Variants in INO80 observed in about 807,000 individuals in gnomAD.
INO80 encodes the protein INO80 complex ATPase subunit.
INO80 carries 20 observed loss-of-function variants against 203.4 expected under a neutral mutation model. The observed-to-expected ratio is 0.10, with a 90% CI of 0.07 to 0.14. INO80 has a LOEUF of 0.14. Among genes scored for constraint, INO80 ranks in the 10% least tolerant of loss-of-function variants. The pLI, the probability that INO80 is intolerant of heterozygous loss-of-function variation, is 1.00. For missense variants in INO80, 1,419 were observed against 1,914.4 expected, an observed-to-expected ratio of 0.74 and a Z score of 4.83; for synonymous variants, 726 against 685.2, an observed-to-expected ratio of 1.06 and a Z score of -0.93.
chr15:41,048,097 A>G, intron 22 of INO80, 115 bp downstream of exon 22: 1 of 641,564 alleles, frequency 1.6e-6, no homozygotes, highest in South Asian at 2.5e-5. Context: ...TTTATAAATA[A>G]GGGCCTACCA....
intron 9 of INO80, among the ~76,000 whole-genome samples, chr15:41,077,903 C>CT (rs555381572): frequency 2.9e-3 from 400 of 139,252 alleles, no homozygotes; most frequent in East Asian, 4.6e-3. Flanking sequence ...AGAATAACAT[C>CT]TTTTTTTTTT....
chr15:41,002,527 G>A (rs1200205604), intron 28 of INO80, among the ~76,000 whole-genome samples: 1 of 152,120 alleles, frequency 6.6e-6, no homozygotes, highest in Non-Finnish European at 1.5e-5. Context: ...GAACGACTGC[G>A]GCTCTAAAAC....
In INO80 at chr15:41,074,511, C is replaced by T. The variant is rs777372522; in HGVS notation, c.1186G>A (p.Ala396Thr). The change falls in exon 10 of 36, where the codon GCC becomes ACC. Residue 396 changes from alanine (A) to threonine (T), a missense_variant. Physicochemically the swap from Ala to Thr is moderately conservative, Grantham distance 58. This residue lies in a region of INO80 where 87 missense variants were observed against 150.5 expected (regional missense o/e 0.58). Coordinates refer to ENST00000648947, the MANE Select transcript of INO80 (RefSeq NM_017553.3). Reference protein sequence around the residue: ...NFLITQTELYAHFMSRKRDMG... With the variant: ...NFLITQTELYTHFMSRKRDMG... The stretch of plus-strand genomic sequence containing the variant: ...TCTCGTTTGCGACTCATGAAATGGG[C>T]ATACAACTCTGTCTGGGTAATTAAG... 6.2e-7 allele frequency: 1 copy of T among 1,613,786 alleles called. No individual in the cohort carries two copies. Among genetic ancestry groups the T allele is most frequent in the South Asian group, 1.1e-5 (1 of 90,968 alleles).
intron 19 of INO80, 112 bp from the exon 20 acceptor site, chr15:41,050,214 T>A: frequency 2.9e-6 from 2 of 688,224 alleles, no homozygotes; most frequent in South Asian, 1.9e-5. Context: ...AATAAACATA[T>A]GTGAACTCAG....
intron 7 of INO80, among the ~76,000 whole-genome samples, chr15:41,081,877 CT>C: frequency 6.6e-6 from 1 of 151,864 alleles, no homozygotes; most frequent in Non-Finnish European, 1.5e-5. Flanking sequence ...ATATATGAGC[CT>C]TTTATAAAAA....
chr15:41,072,241 A>G (rs536292613), intron 11 of INO80, among the ~76,000 whole-genome samples, 183 bp from the exon 12 acceptor site: 8 of 152,194 alleles, frequency 5.3e-5, no homozygotes, highest in East Asian at 3.9e-4. Flanking sequence ...CATATTACTA[A>G]TATTATTTAA....
chr15:41,077,359 CA>C (rs750218617), intron 9 of INO80, among the ~76,000 whole-genome samples: 9,763 of 74,366 alleles, frequency 0.13, 838 homozygotes, highest in African/African-American at 0.32. Flanking sequence ...GGGAATACAG[CA>C]AAAAAAAAAA....
chr15:41,095,802 A>G lies in INO80; in HGVS notation c.270T>C (p.Ser90=), dbSNP rs1295255002. The G allele has an allele frequency of 6.2e-7, 1 of 1,614,200 alleles. No homozygotes were observed. Among genetic ancestry groups the G allele is most frequent in the Non-Finnish European group, 8.5e-7 (1 of 1,180,032 alleles). ...TCAGAGAATATGTGTTTAACATTCC[A>G]GAACTGCCTGCTCCAGAAGTTTCAC... ...LLGETSGAGS[S]GMLNTYSLNG... The change falls in exon 3 of 36, where the codon TCT becomes TCC. Residue 90 remains serine (S), a synonymous_variant. Transcript: ENST00000648947.
intron 7 of INO80, among the ~76,000 whole-genome samples, chr15:41,083,843 G>T (rs571910679): frequency 6.6e-6 from 1 of 151,984 alleles, no homozygotes; most frequent in Non-Finnish European, 1.5e-5. Flanking sequence ...CAGTTGTCTC[G>T]GCACTACTAA....
intron 10 of INO80, among the ~76,000 whole-genome samples, chr15:41,073,947 T>A (rs2045362544): frequency 6.6e-6 from 1 of 152,190 alleles, no homozygotes. Flanking sequence ...ATGAAATTCC[T>A]CTCAAACTTC....
chr15:41,100,910 T>C (rs1198575973), intron 1 of INO80, among the ~76,000 whole-genome samples: 1 of 150,310 alleles, frequency 6.7e-6, no homozygotes, highest in African/African-American at 2.4e-5. Context: ...CTCACTACAA[T>C]CTCCGCCTCC....
intron 28 of INO80, among the ~76,000 whole-genome samples, chr15:40,997,943 C>T (rs75108743): frequency 5.3e-5 from 8 of 151,932 alleles, no homozygotes; most frequent in African/African-American, 1.9e-4. Flanking sequence ...CAAACCATTC[C>T]TAGCTTCCTG....
chr15:41,074,389 G>T lies in INO80; in HGVS notation c.1308C>A (p.Asn436Lys), dbSNP rs752347364. The change falls in exon 10 of 36, where the codon AAC becomes AAA. Residue 436 changes from asparagine to lysine, a missense_variant. This residue lies in a region of INO80 where 116 missense variants were observed against 119.5 expected (regional missense o/e 0.97). Coordinates refer to ENST00000648947, the MANE Select transcript of INO80 (RefSeq NM_017553.3). The stretch of plus-strand genomic sequence containing the variant: ...ACTCACCATAATCCTCCTGTGTGAT[G>T]TTAACTACCACTCCTCCACCTATAT... ...QIDIGGGVVV[N>K]ITQEDYDSNH... The T allele has an allele frequency of 4.3e-6, 7 of 1,612,092 alleles. No homozygotes were observed. The East Asian group carries it at 8.9e-5, about 21-fold the overall frequency.
At chr15:41,066,286 T>A (rs1490498460) in intron 14 of INO80, among the ~76,000 whole-genome samples, 2 of 152,014 alleles carry the variant, frequency 1.3e-5, no homozygotes, top group South Asian at 2.1e-4. Flanking sequence ...CCCATTTTTT[T>A]ATAAGCTTGG....
intron 30 of INO80, 83 bp from the exon 31 acceptor site, chr15:40,987,276 C>G: frequency 2.5e-6 from 2 of 810,908 alleles, no homozygotes; most frequent in Non-Finnish European, 4.2e-6. Context: ...ACATCGTTCT[C>G]AACCCACTCC....
At chr15:41,057,797 C>CAAAAAA (rs35197370) in intron 16 of INO80, among the ~76,000 whole-genome samples, 1 of 29,314 alleles carries the variant, frequency 3.4e-5, no homozygotes. Context: ...AACTACATCT[C>CAAAAAA]AAAAAAAAAA....
intron 7 of INO80, 130 bp downstream of exon 7, chr15:41,085,239 T>C (rs2045543253): frequency 3.8e-6 from 3 of 794,830 alleles, no homozygotes; most frequent in Non-Finnish European, 6.3e-6. Context: ...CAGCATTTTC[T>C]TGATTCCAAC....
chr15:40,986,316 C>CTTT lies in INO80; in HGVS notation c.3832+772_3832+774dup, dbSNP rs551165963. Among the ~76,000 whole-genome samples the CTTT allele has an allele frequency of 5.2e-3, 468 of 90,686 alleles. 1 individual carries two copies. Among genetic ancestry groups the CTTT allele is most frequent in the East Asian group, 8.6e-3 (20 of 2,324 alleles). The allele number at this position is 90,686 out of a possible 152,430, so 59.5% of individuals were successfully genotyped here. ...AAATTTTGCCTTCTACTCCACAATGCTTTTTTTTTTTTTTTTTTTTTTTTT... is the reference window on the plus strand; with the variant it reads ...AAATTTTGCCTTCTACTCCACAATGCTTTTTTTTTTTTTTTTTTTTTTTTTTTT... On this transcript the variant is annotated intron_variant, in intron 31 of 35. Transcript: ENST00000648947.
chr15:41,083,201 C>T (rs985274061), intron 7 of INO80, among the ~76,000 whole-genome samples: 1 of 146,730 alleles, frequency 6.8e-6, no homozygotes, highest in Admixed American at 6.9e-5. Flanking sequence ...AGGAGAATGG[C>T]GTGAACCCGG....
Sources: allele counts gnomAD v4.1 joint callset (sites outside exome capture counted in the v4.1 genomes callset), GRCh38; gene constraint gnomAD v4.1.1; regional missense constraint gnomAD v4.1.1; transcripts MANE v1.5; gene names NCBI Gene and HGNC (gene_info 2026-07-23, HGNC 2026-07-21).